SLC10A2: variants seen among roughly 807,000 people sequenced by gnomAD.
SLC10A2 encodes the protein solute carrier family 10 member 2.
Under a neutral mutation model 27.1 loss-of-function variants are expected in SLC10A2, and 34 were observed. The observed-to-expected ratio is 1.26, with a 90% CI of 0.96 to 1.67. SLC10A2 has a LOEUF of 1.67. Ranked by LOEUF, SLC10A2 falls within the 40% of genes most tolerant of loss-of-function variation. SLC10A2 has a pLI of 0.00. For synonymous variants in SLC10A2, 205 were observed against 174.0 expected (o/e 1.18, Z -1.40); for missense variants, 530 against 444.4 (o/e 1.19, Z -1.73).
In SLC10A2 at chr13:103,046,144, C is replaced by T; in HGVS notation, c.1036G>A (p.Asp346Asn). ...FYKANGGFQPDEK is the reference protein window; with the variant it reads ...FYKANGGFQPNEK ...TGTCCACTTGATGTCTACTTTTCGTCAGGTTGAAATCCTCCATTTGCCTTA... is the reference window on the plus strand; with the variant it reads ...TGTCCACTTGATGTCTACTTTTCGTTAGGTTGAAATCCTCCATTTGCCTTA... The change falls in exon 6 of 6, where the codon GAC becomes AAC. Residue 346 changes from aspartate (D) to asparagine (N), a missense_variant. Transcript: ENST00000245312. The T allele has an allele frequency of 6.2e-7, 1 of 1,613,848 alleles. No homozygotes were observed. Among genetic ancestry groups the T allele is most frequent in the Non-Finnish European group, 8.5e-7 (1 of 1,179,838 alleles).
At position 103,046,336 on chromosome 13, in the gene SLC10A2, A is replaced by T. The variant is rs547349007; in HGVS notation, c.920-76T>A. The T allele has an allele frequency of 1.7e-5, 21 of 1,231,230 alleles. No individual in the cohort carries two copies. The South Asian group carries it at 2.6e-4, about 15-fold the overall frequency. 76.3% of individuals were successfully genotyped at this position (1,231,230 alleles called of 1,614,324 possible). On this transcript the variant is annotated intron_variant, in intron 5 of 5. Transcript: ENST00000245312. ...AAAATTACTTTGCATAGAGATTATAACCTATGATTCACATGGCAGATCACA... is the reference window on the plus strand; with the variant it reads ...AAAATTACTTTGCATAGAGATTATATCCTATGATTCACATGGCAGATCACA...
chr13:103,046,574 G>A (rs538714956), intron 5 of SLC10A2, among the ~76,000 whole-genome samples: 18 of 152,216 alleles, frequency 1.2e-4, no homozygotes, highest in East Asian at 3.9e-4. Context: ...ATTCTGTACC[G>A]CCATATCCCA....
intron 2 of SLC10A2, among the ~76,000 whole-genome samples, chr13:103,057,382 T>C (rs72657878): frequency 0.022 from 3,316 of 152,108 alleles, 49 homozygotes; most frequent in Middle Eastern, 0.051. Flanking sequence ...GAAAATAAGG[T>C]TTTTGGGATG....
At chr13:103,053,983 C>T (rs1185519646) in intron 2 of SLC10A2, among the ~76,000 whole-genome samples, 1 of 152,116 alleles carries the variant, frequency 6.6e-6, no homozygotes, top group East Asian at 1.9e-4. Flanking sequence ...TTGCATCCTG[C>T]TGTTTTGGGA....
chr13:103,057,740 G>A (rs7330697), intron 2 of SLC10A2, among the ~76,000 whole-genome samples: 61,973 of 151,824 alleles, frequency 0.41, 12,948 homozygotes, highest in African/African-American at 0.49. Flanking sequence ...TTAGCCAGGC[G>A]TGGTAGTGCA....
intron 4 of SLC10A2, among the ~76,000 whole-genome samples, chr13:103,050,682 T>C (rs1875751010): frequency 6.6e-6 from 1 of 152,188 alleles, no homozygotes; most frequent in Non-Finnish European, 1.5e-5. Context: ...CAGTATTTTC[T>C]TTCTGGGGAC....
chr13:103,054,705 G>A (rs1167035802), intron 2 of SLC10A2, among the ~76,000 whole-genome samples: 6 of 152,140 alleles, frequency 3.9e-5, no homozygotes, highest in African/African-American at 1.4e-4. Flanking sequence ...CTGACCAGAT[G>A]AGGCCAGATG....
chr13:103,050,612 G>C (rs117118986), intron 4 of SLC10A2, among the ~76,000 whole-genome samples: 3,093 of 152,280 alleles, frequency 0.02, 41 homozygotes, highest in Middle Eastern at 0.071. Context: ...AGCAATGGAA[G>C]AGCCCCATCT....
Position 103,051,279 on chromosome 13 carries a change from T to C in SLC10A2, c.739A>G (p.Ile247Val), listed in dbSNP as rs200418588. 57 of 1,613,962 alleles carry C rather than the reference T, an allele frequency of 3.5e-5. No individual in the cohort carries two copies. The highest frequency in any genetic ancestry group is 4.7e-5 in the Non-Finnish European group (55 of 1,179,998). ...TACCTGTACCAGGGTAGACCAGCAATTCTAGCCAGAAGAAACCCCAGGGAG... is the reference window on the plus strand; with the variant it reads ...TACCTGTACCAGGGTAGACCAGCAACTCTAGCCAGAAGAAACCCCAGGGAG... ...GYSLGFLLAR[I>V]AGLPWYRCRT... is the part of the protein sequence containing the mutation. Residue 247 changes from isoleucine to valine, a missense_variant, in exon 4 of 6, where the codon ATT (isoleucine) becomes GTT (valine). Physicochemically the swap from Ile to Val is conservative, Grantham distance 29. Transcript: ENST00000245312.
At chr13:103,049,480 T>A (rs762322559) in intron 4 of SLC10A2, 34 bp from the exon 5 acceptor site, 1 of 1,611,538 alleles carries the variant, frequency 6.2e-7, no homozygotes, top group South Asian at 1.1e-5. Flanking sequence ...CATGTTTTAG[T>A]AGTTTTGTTA....
intron 1 of SLC10A2, among the ~76,000 whole-genome samples, chr13:103,064,994 G>C (rs1876232451): frequency 6.6e-6 from 1 of 152,180 alleles, no homozygotes; most frequent in South Asian, 2.1e-4. Flanking sequence ...ATTGCCTACT[G>C]TACAGTATTT....
Position 103,050,226 on chromosome 13 carries a change from T to C in SLC10A2, c.762-780A>G, listed in dbSNP as rs117670576. Among the ~76,000 whole-genome samples, 1,189 of 152,272 alleles carry C rather than the reference T, an allele frequency of 7.8e-3. 7 individuals are homozygous for C. The highest frequency in any genetic ancestry group is 0.012 in the Non-Finnish European group (847 of 68,010). On this transcript the variant is annotated intron_variant, in intron 4 of 5. Transcript: ENST00000245312. Reference sequence around the variant, plus strand: ...GAAATTATTGTCCCCATTCTACAGATGATAAAACTCAGAGAAAGAGTGAAT... The same window carrying C: ...GAAATTATTGTCCCCATTCTACAGACGATAAAACTCAGAGAAAGAGTGAAT...
At chr13:103,061,717 T>A (rs146894785) in intron 1 of SLC10A2, among the ~76,000 whole-genome samples, 9 of 152,294 alleles carry the variant, frequency 5.9e-5, no homozygotes, top group African/African-American at 2.2e-4. Context: ...TTTAGACTTG[T>A]GAGCAGCACT....
Position 103,058,267 on chromosome 13 carries a change from T to C in SLC10A2, c.493A>G (p.Ile165Val). Residue 165 changes from isoleucine (I) to valine (V), a missense_variant, in exon 2 of 6, where the codon ATA becomes GTA. Ile to Val is a conservative substitution (Grantham distance 29). Transcript: ENST00000245312. ...GTCTTACAGATGGATGACTTACCTA[T>C]GTTATCATAGGGAATTACGATGCTC... is the stretch of plus-strand genomic sequence containing the variant. ...SGSIVIPYDNIGTSLVSLVVP... is the reference protein window; with the variant it reads ...SGSIVIPYDNVGTSLVSLVVP... 3 of 1,551,818 alleles carry C rather than the reference T, an allele frequency of 1.9e-6. No homozygotes were observed. Among genetic ancestry groups the C allele is most frequent in the Middle Eastern group, 1.7e-4 (1 of 5,944 alleles).
rs201694111 is a variant in SLC10A2 at position 103,066,350 on chromosome 13, T to C, written c.-101A>G. 2 of 1,373,080 alleles carry C rather than the reference T, an allele frequency of 1.5e-6. No homozygotes were observed. The highest frequency in any genetic ancestry group is 1.9e-6 in the Non-Finnish European group (2 of 1,029,650). 85.1% of individuals were successfully genotyped at this position (1,373,080 alleles called of 1,614,324 possible). A position where few individuals can be genotyped will look rare whatever the true frequency, so the allele number is the denominator to read the frequency against. ...TTAAGCAACGTTTACTTCTACCCCA[T>C]CAAACTTTTAAACCCCTCCTAAAAA... On this transcript the variant is annotated 5_prime_UTR_variant, in exon 1 of 6. The change abolishes an upstream ATG in the 5' untranslated region. Coordinates refer to ENST00000245312, the MANE Select transcript of SLC10A2 (RefSeq NM_000452.3).
Position 103,052,600 on chromosome 13 carries a change from G to A in SLC10A2, c.585+20C>T. ...GATTGTCACAGTGGAATATTTAATG[G>A]TGTGAACTGGGATACTTACTTTAAG... On this transcript the variant is annotated intron_variant, in intron 3 of 5. Transcript: ENST00000245312. 6.8e-7 allele frequency: 1 copy of A among 1,472,020 alleles called. No homozygotes were observed. Among genetic ancestry groups the A allele is most frequent in the East Asian group, 2.3e-5 (1 of 44,188 alleles). 91.2% of individuals were successfully genotyped at this position (1,472,020 alleles called of 1,614,324 possible).
chr13:103,050,705 A>G (rs1329515), intron 4 of SLC10A2, among the ~76,000 whole-genome samples: 132,054 of 152,182 alleles, frequency 0.87, 57,430 homozygotes, highest in African/African-American at 0.88. Flanking sequence ...GCATGACTTC[A>G]GAATGAATGG....
rs775353933 is a variant in SLC10A2, at chr13:103,049,352, CG to C, written c.855del (p.Val286TyrfsTer20). 6.2e-7 allele frequency: 1 copy of C among 1,613,830 alleles called. No homozygotes were observed. The highest frequency in any genetic ancestry group is 8.5e-7 in the Non-Finnish European group (1 of 1,179,904). On this transcript the variant is annotated frameshift_variant, in exon 5 of 6. Transcript: ENST00000245312. LOFTEE classifies it high-confidence loss of function. ...QLSFTPEELN[V>X]VFTFPLIYSI... is the part of the protein sequence containing the mutation. ...CTGTAGATGAGCGGGAAGGTGAATA[CG>C]ACATTGAGCTCCTCAGGAGTGAAGG...
At chr13:103,060,884 A>AAAC (rs10688538) in intron 1 of SLC10A2, among the ~76,000 whole-genome samples, 95,514 of 150,990 alleles carry the variant, frequency 0.63, 31,074 homozygotes, top group Non-Finnish European at 0.71. Context: ...CTGCCCCCCA[A>AAAC]AACAACAACA....
Sources: gnomAD v4.1 joint callset for allele counts (sites outside exome capture counted in the v4.1 genomes callset) on GRCh38, gnomAD v4.1.1 for gene constraint, MANE v1.5 for transcripts, NCBI Gene and HGNC (gene_info 2026-07-23, HGNC 2026-07-21) for gene names.